The following GSG1 variants were observed in gnomAD, a reference collection of about 807,000 sequenced individuals.
GSG1 encodes germ cell associated 1.
GSG1 carries 28 observed loss-of-function variants against 30.8 expected under a neutral mutation model. The observed-to-expected ratio is 0.91, with a 90% CI of 0.67 to 1.25. GSG1 has a LOEUF of 1.25. Ranked by LOEUF, GSG1 falls within the 50% of genes most tolerant of loss-of-function variation. GSG1 has a pLI of 0.00. For missense variants in GSG1, 435 were observed against 444.7 expected (o/e 0.98, Z 0.20); for synonymous variants, 162 against 178.0 (o/e 0.91, Z 0.71).
At chr12:13,095,188 C>T (rs1866554741) in intron 1 of GSG1, among the ~76,000 whole-genome samples, 1 of 152,212 alleles carries the variant, frequency 6.6e-6, no homozygotes, top group Non-Finnish European at 1.5e-5. Flanking sequence ...ACATACTTTA[C>T]TCCTTTCCCC....
Position 13,101,593 on chromosome 12 carries a change from C to T in GSG1, c.48+1872G>A, listed in dbSNP as rs1863210288. 6.6e-6 allele frequency among the ~76,000 whole-genome samples: 1 copy of T among 152,348 alleles called. No homozygotes were observed. Among genetic ancestry groups the T allele is most frequent in the African/African-American group, 2.4e-5 (1 of 41,596 alleles). On this transcript the variant is annotated intron_variant, in intron 1 of 6. Transcript: ENST00000651961. This position sits in a 1 kb window ranked among gnomAD's most constrained non-coding sequence, Gnocchi z 5.8. The stretch of plus-strand genomic sequence containing the variant: ...CCGGGGCGCTAGGCCACCTGAGGCG[C>T]GTCCCCTCTGCCGCCTGGCGAGGCT...
At chr12:13,103,328 A>G (rs532369077) in intron 1 of GSG1, 137 bp downstream of exon 1, 6 of 735,430 alleles carry the variant, frequency 8.2e-6, no homozygotes, top group South Asian at 3.2e-5. Flanking sequence ...GTAGAACCCT[A>G]TAGTGCATTT....
Position 13,089,188 on chromosome 12 carries a change from A to G in GSG1, c.433+20T>C, listed in dbSNP as rs1341378764. The G allele has an allele frequency of 1.3e-6, 2 of 1,551,328 alleles. No homozygotes were observed. The highest frequency in any genetic ancestry group is 2.7e-5 in the African/African-American group (2 of 73,044). The stretch of plus-strand genomic sequence containing the variant: ...TTTCCCGTGTCCAGAAGAGTTAATG[A>G]TCTTAGTGTTAACTAATACCTTTTG... On this transcript the variant is annotated intron_variant, in intron 3 of 6. Transcript: ENST00000651961.
rs1866022652 is a variant in GSG1 at position 13,090,718 on chromosome 12, T to G, written c.149A>C (p.Tyr50Ser). 1 of 1,614,064 alleles carries G rather than the reference T, an allele frequency of 6.2e-7. No individual in the cohort carries two copies. Among genetic ancestry groups the G allele is most frequent in the Non-Finnish European group, 8.5e-7 (1 of 1,180,038 alleles). Reference sequence around the variant, plus strand: ...CACCTTCTGTGTGCCCACAAACCAGTAGTTGCTGAGCAGGGATGTTGTGGA... The same window carrying G: ...CACCTTCTGTGTGCCCACAAACCAGGAGTTGCTGAGCAGGGATGTTGTGGA... ...SFSTTSLLSNYWFVGTQKVPK... is the reference protein window; with the variant it reads ...SFSTTSLLSNSWFVGTQKVPK... Residue 50 changes from tyrosine to serine, a missense_variant, in exon 2 of 7, where the codon TAC becomes TCC. Tyr to Ser is a moderately radical substitution (Grantham distance 144, BLOSUM62 -2). Coordinates refer to ENST00000651961, the MANE Select transcript of GSG1 (RefSeq NM_001080555.4).
intron 4 of GSG1, 146 bp from the exon 5 acceptor site, chr12:13,088,205 C>T: frequency 4.9e-6 from 4 of 813,200 alleles, no homozygotes; most frequent in Non-Finnish European, 7.7e-6. Context: ...CAGGGAGGAA[C>T]ATTACTTCAT....
Position 13,088,044 on chromosome 12 carries a change from G to A in GSG1, c.497C>T (p.Ser166Phe). The A allele has an allele frequency of 6.2e-7, 1 of 1,614,186 alleles. No individual in the cohort carries two copies. Among genetic ancestry groups the A allele is most frequent in the Non-Finnish European group, 8.5e-7 (1 of 1,180,040 alleles). Residue 166 changes from serine to phenylalanine, a missense_variant, in exon 5 of 7, where the codon TCC becomes TTC. Coordinates refer to ENST00000651961, the MANE Select transcript of GSG1 (RefSeq NM_001080555.4). ...PPAKREILWL[S>F]LGTQITYIGL... ...GATGTAGGTGATCTGCGTTCCCAGG[G>A]ATAACCATAGGATTTCTGCCAGAAA...
At chr12:13,099,769 G>GTTT (rs1863060521) in intron 1 of GSG1, among the ~76,000 whole-genome samples, 1 of 69,972 alleles carries the variant, frequency 1.4e-5, no homozygotes, top group African/African-American at 5.2e-5. Flanking sequence ...TTTTTTTTTT[G>GTTT]TTTTTTCTTC....
chr12:13,098,446 C>G (rs1862901379), intron 1 of GSG1, among the ~76,000 whole-genome samples: 1 of 103,622 alleles, frequency 9.7e-6, no homozygotes, highest in Non-Finnish European at 1.8e-5. Context: ...AGGATTGTTT[C>G]ATGTAGCCCA....
rs1282096104 is a variant in GSG1 at position 13,090,773 on chromosome 12, C to A, written c.94G>T (p.Ala32Ser). 1 of 1,614,046 alleles carries A rather than the reference C, an allele frequency of 6.2e-7. No individual in the cohort carries two copies. Among genetic ancestry groups the A allele is most frequent in the Non-Finnish European group, 8.5e-7 (1 of 1,179,984 alleles). Residue 32 changes from alanine (A) to serine (S), a missense_variant, in exon 2 of 7, where the codon GCC (alanine) becomes TCC (serine). Coordinates refer to ENST00000651961, the MANE Select transcript of GSG1 (RefSeq NM_001080555.4). ...CTGAGTGATAGCATGCTGAGGATGG[C>A]AGATAGGAGTGTCCGCTGGCCAGAG... Reference protein sequence around the residue: ...AFSGQRTLLSAILSMLSLSFS... With the variant: ...AFSGQRTLLSSILSMLSLSFS...
At chr12:13,092,564 G>A (rs887006354) in intron 1 of GSG1, among the ~76,000 whole-genome samples, 1 of 152,140 alleles carries the variant, frequency 6.6e-6, no homozygotes, top group African/African-American at 2.4e-5. Flanking sequence ...CTTCTTAATA[G>A]TACTCTTTTC....
chr12:13,091,755 T>C (rs1866171670), intron 1 of GSG1, among the ~76,000 whole-genome samples: 1 of 152,234 alleles, frequency 6.6e-6, no homozygotes, highest in Admixed American at 6.5e-5. Context: ...CATATTTCTA[T>C]GTGACTGTCC....
chr12:13,091,080 T>C (rs1412599371), intron 1 of GSG1, among the ~76,000 whole-genome samples: 1 of 151,814 alleles, frequency 6.6e-6, no homozygotes, highest in Non-Finnish European at 1.5e-5. Flanking sequence ...CTCTCTGACA[T>C]TCTCCTGTCC....
At chr12:13,089,303 T>G in intron 2 of GSG1, 27 bp from the exon 3 acceptor site, 1 of 1,550,752 alleles carries the variant, frequency 6.4e-7, no homozygotes, top group Admixed American at 2.0e-5. Flanking sequence ...TAAATATAAA[T>G]GTAAATACAC....
intron 2 of GSG1, 156 bp from the exon 3 acceptor site, chr12:13,089,432 A>G: frequency 7.7e-7 from 1 of 1,293,166 alleles, no homozygotes; most frequent in East Asian, 2.7e-5. Flanking sequence ...CTTTCTTCCC[A>G]GGCCGGTCAC....
rs1863221390 is a variant in GSG1, at chr12:13,101,719, G to T, written c.48+1746C>A. Among the ~76,000 whole-genome samples the T allele has an allele frequency of 6.6e-6, 1 of 152,248 alleles. No homozygotes were observed. ...GTCGAGCTGCTGGAGTCCAAAGTCA[G>T]GCATTTCCCTGCCTCTGCCCGGTAA... On this transcript the variant is annotated intron_variant, in intron 1 of 6. Coordinates refer to ENST00000651961, the MANE Select transcript of GSG1 (RefSeq NM_001080555.4). The surrounding 1 kb of genome is among the most constrained non-coding windows in gnomAD (Gnocchi z 5.8).
intron 1 of GSG1, among the ~76,000 whole-genome samples, chr12:13,095,296 T>C (rs918474422): frequency 3.9e-5 from 6 of 152,190 alleles, no homozygotes; most frequent in Non-Finnish European, 2.9e-5. Context: ...GAAGAAGTAA[T>C]GGCCATAAGA....
At position 13,087,158 on chromosome 12, in the gene GSG1, G is replaced by T. The variant is rs1304733726; in HGVS notation, c.740C>A (p.Ala247Asp). ...AGGAGATGACAGCACTTACTAGAAGGCCCAGCCATAATTCCAAACATGTGG... is the reference window on the plus strand; with the variant it reads ...AGGAGATGACAGCACTTACTAGAAGTCCCAGCCATAATTCCAAACATGTGG... ...WRPHVWNYGWAFYMAWLSFTC... is the reference protein window; with the variant it reads ...WRPHVWNYGWDFYMAWLSFTC... Residue 247 changes from alanine to aspartate, a missense_variant, in exon 6 of 7, where the codon GCC becomes GAC. Ala to Asp is a moderately radical substitution (Grantham distance 126). Transcript: ENST00000651961. 6.2e-7 allele frequency: 1 copy of T among 1,610,230 alleles called. No individual in the cohort carries two copies. Among genetic ancestry groups the T allele is most frequent in the Non-Finnish European group, 8.5e-7 (1 of 1,176,596 alleles).
chr12:13,095,676 A>G, intron 1 of GSG1: 1 of 1,613,170 alleles, frequency 6.2e-7, no homozygotes, highest in Non-Finnish European at 8.5e-7. Context: ...CCTTTGGTTT[A>G]ATGTTGCAAG....
rs1863197134 is a variant in GSG1, at chr12:13,101,471, G to T, written c.48+1994C>A. Among the ~76,000 whole-genome samples the T allele has an allele frequency of 6.6e-6, 1 of 152,226 alleles. No homozygotes were observed. Among genetic ancestry groups the T allele is most frequent in the South Asian group, 2.1e-4 (1 of 4,834 alleles). On this transcript the variant is annotated intron_variant, in intron 1 of 6. Coordinates refer to ENST00000651961, the MANE Select transcript of GSG1 (RefSeq NM_001080555.4). This position sits in a 1 kb window ranked among gnomAD's most constrained non-coding sequence, Gnocchi z 5.8. ...GGTCTTCCTCCGTCGGTTGAGAACG[G>T]TGTCCCGGGGGCCCTCCCAGAGAGC...
Sources: allele counts gnomAD v4.1 joint callset (sites outside exome capture counted in the v4.1 genomes callset), GRCh38; gene constraint gnomAD v4.1.1; non-coding constraint Gnocchi (gnomAD v3.1); transcripts MANE v1.5; gene names NCBI Gene and HGNC (gene_info 2026-07-23, HGNC 2026-07-21).